The following CDKAL1 variants were observed in gnomAD, a reference collection of about 807,000 sequenced individuals.
CDKAL1 encodes the protein CDKAL1 threonylcarbamoyladenosine tRNA methylthiotransferase, also known as threonylcarbamoyladenosine tRNA methylthiotransferase.
CDKAL1 carries 32 observed loss-of-function variants against 68.2 expected under a neutral mutation model. The ratio of observed to expected loss-of-function variants is 0.47; its 90% confidence interval spans 0.35 to 0.63. CDKAL1 has a LOEUF of 0.63. CDKAL1 is among the 30% of genes least tolerant of loss of function. The probability of loss-of-function intolerance (pLI) is 0.00; values close to 1 mark genes in which losing one functional copy is unlikely to be tolerated. For synonymous variants in CDKAL1, 234 were observed against 244.3 expected (o/e 0.96, Z 0.39); for missense variants, 606 against 696.7 (o/e 0.87, Z 1.47).
intron 10 of CDKAL1, among the ~76,000 whole-genome samples, chr6:20,995,238 A>C (rs1261811670): frequency 6.6e-6 from 1 of 152,134 alleles, no homozygotes; most frequent in Admixed American, 6.5e-5. Context: ...GGTTGAAATC[A>C]ATGTCTTCCA....
At chr6:20,985,277 A>G (rs1274209258) in intron 10 of CDKAL1, among the ~76,000 whole-genome samples, 1 of 151,800 alleles carries the variant, frequency 6.6e-6, no homozygotes, top group Admixed American at 6.6e-5. Context: ...ATTACGTTCC[A>G]TGGTTTTTTT....
intron 13 of CDKAL1, among the ~76,000 whole-genome samples, chr6:21,163,086 G>A (rs1219842219): frequency 1.3e-5 from 2 of 152,148 alleles, no homozygotes; most frequent in Admixed American, 6.5e-5. Flanking sequence ...AACAATATTA[G>A]GAATCAACTC....
rs71559677 is a variant in CDKAL1 at position 20,613,249 on chromosome 6, C to CTTTTTTTTTT, written c.287-36010_287-36001dup. Among the ~76,000 whole-genome samples, 53 of 77,862 alleles carry CTTTTTTTTTT rather than the reference C, an allele frequency of 6.8e-4. 7 individuals are homozygous for CTTTTTTTTTT. The highest frequency in any genetic ancestry group is 1.0e-3 in the Non-Finnish European group (41 of 40,826). 51.1% of individuals were successfully genotyped at this position (77,862 alleles called of 152,430 possible). A position where few individuals can be genotyped will look rare whatever the true frequency, so the allele number is the denominator to read the frequency against. On this transcript the variant is annotated intron_variant, in intron 4 of 15. Coordinates refer to ENST00000274695, the MANE Select transcript of CDKAL1 (RefSeq NM_017774.3). ...TATCAGTTCATCACAAAATTTCTTT[C>CTTTTTTTTTT]TTTTTTTTTTTTTTTTTTTTTTTTT... is the stretch of plus-strand genomic sequence containing the variant.
intron 9 of CDKAL1, among the ~76,000 whole-genome samples, chr6:20,912,484 G>T (rs1349408804): frequency 6.6e-6 from 1 of 152,166 alleles, no homozygotes; most frequent in Non-Finnish European, 1.5e-5. Flanking sequence ...CACATATGGG[G>T]TGGAGTTGAT....
chr6:21,205,605 A>G (rs910300839), intron 15 of CDKAL1, among the ~76,000 whole-genome samples: 1 of 151,500 alleles, frequency 6.6e-6, no homozygotes, highest in Non-Finnish European at 1.5e-5. Flanking sequence ...ATCTCGGCTC[A>G]CTGTAAGCTC....
intron 9 of CDKAL1, among the ~76,000 whole-genome samples, chr6:20,875,305 C>CAAA (rs58717424): frequency 2.8e-5 from 2 of 71,216 alleles, no homozygotes; most frequent in Non-Finnish European, 5.0e-5. Flanking sequence ...GACTCCGTCT[C>CAAA]AAAAAAAAAA....
chr6:20,877,401 T>C (rs1235071740), intron 9 of CDKAL1, among the ~76,000 whole-genome samples: 4 of 152,232 alleles, frequency 2.6e-5, no homozygotes, highest in African/African-American at 9.6e-5. Flanking sequence ...ATCCTCACTT[T>C]GTCCAAACTT....
intron 12 of CDKAL1, among the ~76,000 whole-genome samples, chr6:21,065,541 T>C (rs1178530653): frequency 6.6e-6 from 1 of 152,122 alleles, no homozygotes; most frequent in Non-Finnish European, 1.5e-5. Context: ...TAAGGCAATA[T>C]TTAAATATTT....
chr6:20,880,254 CA>C (rs1760741048), intron 9 of CDKAL1, among the ~76,000 whole-genome samples: 1 of 104,420 alleles, frequency 9.6e-6, no homozygotes, highest in Admixed American at 9.3e-5. Context: ...AAAGAAACTA[CA>C]TTTTTTTTTG....
intron 2 of CDKAL1, among the ~76,000 whole-genome samples, chr6:20,540,345 T>C (rs897865544): frequency 2.0e-5 from 3 of 151,912 alleles, no homozygotes; most frequent in Admixed American, 6.6e-5. Flanking sequence ...AGTGCTGGGA[T>C]TACAAACATG....
chr6:20,637,501 T>A (rs1423654164), intron 4 of CDKAL1, among the ~76,000 whole-genome samples: 1 of 152,078 alleles, frequency 6.6e-6, no homozygotes, highest in African/African-American at 2.4e-5. Context: ...AGGCAGAGGT[T>A]GCACTGAGCC....
chr6:20,783,737 G>T (rs1042718788), intron 8 of CDKAL1, among the ~76,000 whole-genome samples: 1 of 152,084 alleles, frequency 6.6e-6, no homozygotes, highest in South Asian at 2.1e-4. Flanking sequence ...TATGTCATTT[G>T]TATCTTCCAC....
intron 11 of CDKAL1, among the ~76,000 whole-genome samples, chr6:21,031,132 C>T (rs997305853): frequency 6.6e-6 from 1 of 151,982 alleles, no homozygotes; most frequent in African/African-American, 2.4e-5. Context: ...AGGGTCCTCT[C>T]CCAAGCTCAC....
At position 21,131,289 on chromosome 6, in the gene CDKAL1, T is replaced by A. The variant is rs1043658803; in HGVS notation, c.1299+22826T>A. On this transcript the variant is annotated intron_variant, in intron 13 of 15. Transcript: ENST00000274695. ...TAGTTGTAGATATAAATATATTTTT[T>A]AATCATGTCTTCTGGTTTAAATATA... Among the ~76,000 whole-genome samples the A allele has an allele frequency of 7.9e-5, 12 of 152,376 alleles. No individual in the cohort carries two copies. In the South Asian group the frequency reaches 8.3e-4, roughly 11 times the overall value.
intron 5 of CDKAL1, among the ~76,000 whole-genome samples, chr6:20,681,877 C>T (rs1770392623): frequency 6.6e-6 from 1 of 152,122 alleles, no homozygotes; most frequent in African/African-American, 2.4e-5. Flanking sequence ...TTATAAACGA[C>T]AGAAATTTAA....
chr6:21,109,056 C>G (rs1009360281), intron 13 of CDKAL1, among the ~76,000 whole-genome samples: 1 of 152,098 alleles, frequency 6.6e-6, no homozygotes, highest in African/African-American at 2.4e-5. Flanking sequence ...TGAAAAATTC[C>G]TAGACATCTT....
At position 21,232,009 on chromosome 6, in the gene CDKAL1, G is replaced by GTTTTTTT. The variant is rs1554200387; in HGVS notation, c.*979_*985dup. 1.5e-5 allele frequency: 2 copies of GTTTTTTT among 131,780 alleles called. No individual in the cohort carries two copies. The highest frequency in any genetic ancestry group is 5.9e-5 in the African/African-American group (2 of 34,070). 8.2% of individuals were successfully genotyped at this position (131,780 alleles called of 1,614,324 possible). On this transcript the variant is annotated 3_prime_UTR_variant, in exon 16 of 16. Coordinates refer to ENST00000274695, the MANE Select transcript of CDKAL1 (RefSeq NM_017774.3). ...CCATTGGGGTTTTTTTTTTGTTTTT[G>GTTTTTTT]TTTTTTTTTTTTTTTGAGTCAAGGT...
intron 8 of CDKAL1, among the ~76,000 whole-genome samples, chr6:20,820,437 GTAAGGCAAATAACTAT>G (rs1777230598): frequency 1.3e-5 from 2 of 152,078 alleles, no homozygotes; most frequent in African/African-American, 2.4e-5. Context: ...GAATTTAAAG[GTAAGGCAAATAACTAT>G]TAAGTAATTT....
intron 10 of CDKAL1, among the ~76,000 whole-genome samples, chr6:20,974,815 CAA>C (rs34192233): frequency 7.2e-6 from 1 of 139,012 alleles, no homozygotes; most frequent in Admixed American, 7.2e-5. Flanking sequence ...CCAGTCTCTG[CAA>C]AAAAAAAAAA....
Sources: gnomAD v4.1 joint callset for allele counts (sites outside exome capture counted in the v4.1 genomes callset) on GRCh38, gnomAD v4.1.1 for gene constraint, MANE v1.5 for transcripts, NCBI Gene and HGNC (gene_info 2026-07-23, HGNC 2026-07-21) for gene names.